SLC16A7: variants seen among roughly 807,000 people sequenced by gnomAD.
SLC16A7 encodes monocarboxylate transporter 2.
A neutral mutation model predicts 34.9 loss-of-function variants in SLC16A7; 33 were observed. That is an observed-to-expected ratio of 0.94 (90% CI 0.72 to 1.26). The LOEUF is 1.26. SLC16A7 is among the 50% of genes most tolerant of loss of function. The pLI is 0.00. For missense variants in SLC16A7, 573 were observed against 578.1 expected (o/e 0.99, Z 0.09); for synonymous variants, 201 against 206.6 (o/e 0.97, Z 0.23).
chr12:59,696,163 C>T (rs1872267283), intron 2 of SLC16A7, among the ~76,000 whole-genome samples: 1 of 151,408 alleles, frequency 6.6e-6, no homozygotes, highest in African/African-American at 2.4e-5. Context: ...TTTTTTTCAA[C>T]AAAACCTAAT....
intron 2 of SLC16A7, among the ~76,000 whole-genome samples, chr12:59,664,197 A>G (rs2137033639): frequency 6.6e-6 from 1 of 152,250 alleles, no homozygotes; most frequent in East Asian, 1.9e-4. Context: ...AGAATGGGGT[A>G]GTGGGTATAA....
In SLC16A7 at chr12:59,676,613, G is replaced by A. The variant is rs115524509; in HGVS notation, c.-31+21363G>A. 1.9e-3 allele frequency among the ~76,000 whole-genome samples: 290 copies of A among 151,764 alleles called. 1 individual carries two copies. The highest frequency in any genetic ancestry group is 6.5e-3 in the African/African-American group (270 of 41,412). ...TCTGGAAAATAGAGAACAATAAATC[G>A]CTTTTCTTTACTCCTCAATTACTCT... On this transcript the variant is annotated intron_variant, in intron 2 of 5. Transcript: ENST00000547379.
intron 3 of SLC16A7, among the ~76,000 whole-genome samples, chr12:59,727,974 G>A (rs1876488184): frequency 1.3e-5 from 2 of 152,264 alleles, no homozygotes. Context: ...TATGAAAGAT[G>A]ATTGGAAATG....
At chr12:59,622,827 A>G (rs1264428903) in intron 1 of SLC16A7, among the ~76,000 whole-genome samples, 1 of 151,856 alleles carries the variant, frequency 6.6e-6, no homozygotes, top group East Asian at 1.9e-4. Flanking sequence ...TTTAAATTTA[A>G]TTTTAATTAA....
chr12:59,667,844 G>A (rs1045663709), intron 2 of SLC16A7, among the ~76,000 whole-genome samples: 3 of 152,164 alleles, frequency 2.0e-5, no homozygotes, highest in African/African-American at 2.4e-5. Flanking sequence ...TCCCGGACGG[G>A]GTCCGTGCCC....
At chr12:59,640,351 G>C (rs139427503) in intron 1 of SLC16A7, among the ~76,000 whole-genome samples, 12 of 152,118 alleles carry the variant, frequency 7.9e-5, no homozygotes, top group African/African-American at 2.4e-4. Flanking sequence ...TAGAACTTTT[G>C]TGTCCTATTT....
At chr12:59,677,615 AC>A (rs1870412076) in intron 2 of SLC16A7, among the ~76,000 whole-genome samples, 2 of 152,098 alleles carry the variant, frequency 1.3e-5, no homozygotes, top group South Asian at 4.1e-4. Flanking sequence ...CCACAAGGCT[AC>A]TGTTTTGTCA....
chr12:59,750,493 A>G (rs900859382), intron 3 of SLC16A7, among the ~76,000 whole-genome samples: 3 of 152,220 alleles, frequency 2.0e-5, no homozygotes, highest in African/African-American at 7.2e-5. Flanking sequence ...AGAAATGCAA[A>G]TCAAAACCAC....
intron 5 of SLC16A7, among the ~76,000 whole-genome samples, chr12:59,778,640 T>G (rs900441224): frequency 6.6e-6 from 1 of 152,122 alleles, no homozygotes; most frequent in African/African-American, 2.4e-5. Flanking sequence ...AGGCTAGATT[T>G]TAAATGGTCT....
chr12:59,788,811 A>T lies in SLC16A7; in HGVS notation c.*9132A>T, dbSNP rs796183951. ...TTCATATGGATACATATTTTGCTTA[A>T]ACTAAATAAAATAACTTAGATTTAT... On this transcript the variant is annotated 3_prime_UTR_variant, in exon 6 of 6. Transcript: ENST00000547379. 2 of 152,222 alleles carry T rather than the reference A, an allele frequency of 1.3e-5. No individual in the cohort carries two copies. Among genetic ancestry groups the T allele is most frequent in the African/African-American group, 4.8e-5 (2 of 41,582 alleles). The allele number at this position is 152,222 out of a possible 1,614,324, so 9.4% of individuals were successfully genotyped here.
intron 2 of SLC16A7, among the ~76,000 whole-genome samples, chr12:59,659,726 G>A (rs943807501): frequency 6.6e-6 from 1 of 152,050 alleles, no homozygotes; most frequent in Non-Finnish European, 1.5e-5. Flanking sequence ...CCTTGTATGG[G>A]AAGAACCTGC....
chr12:59,733,999 G>A (rs2711671), intron 3 of SLC16A7: 7,879 of 351,452 alleles, frequency 0.022, 563 homozygotes, highest in African/African-American at 0.16. Flanking sequence ...TCTGTGGGCA[G>A]CCATGGGTGG....
intron 1 of SLC16A7, among the ~76,000 whole-genome samples, chr12:59,642,464 G>A (rs1880728902): frequency 6.6e-6 from 1 of 151,822 alleles, no homozygotes; most frequent in South Asian, 2.1e-4. Context: ...TGACCTTTTT[G>A]ATACTCAGGA....
At chr12:59,771,910 A>T (rs1018292997) in intron 4 of SLC16A7, among the ~76,000 whole-genome samples, 22 of 152,140 alleles carry the variant, frequency 1.4e-4, no homozygotes, top group African/African-American at 5.3e-4. Context: ...CCTGTTTAAA[A>T]GCTCAGTGAG....
intron 1 of SLC16A7, among the ~76,000 whole-genome samples, chr12:59,604,668 T>C (rs1878850543): frequency 6.6e-6 from 1 of 152,240 alleles, no homozygotes; most frequent in South Asian, 2.1e-4. Context: ...TATCCTCATT[T>C]TACAGATGGG....
chr12:59,729,544 T>A (rs2706314), intron 3 of SLC16A7, among the ~76,000 whole-genome samples: 6,824 of 152,238 alleles, frequency 0.045, 488 homozygotes, highest in African/African-American at 0.16. Flanking sequence ...ATTGCACCTG[T>A]GTAAACTAAA....
At chr12:59,721,281 C>G (rs1354830780) in intron 3 of SLC16A7, among the ~76,000 whole-genome samples, 1 of 151,942 alleles carries the variant, frequency 6.6e-6, no homozygotes, top group East Asian at 1.9e-4. Flanking sequence ...GTAGAACTTC[C>G]ACATACTTCT....
At chr12:59,761,081 T>C in intron 3 of SLC16A7, 1 of 822,938 alleles carries the variant, frequency 1.2e-6, no homozygotes, top group Non-Finnish European at 1.8e-6. Context: ...GACAATATGA[T>C]ATTTAATTGA....
chr12:59,741,939 A>C (rs1487062237), intron 3 of SLC16A7, among the ~76,000 whole-genome samples: 1 of 152,222 alleles, frequency 6.6e-6, no homozygotes, highest in Non-Finnish European at 1.5e-5. Flanking sequence ...GACTGAGGCA[A>C]GTTTCAGAGC....
Sources: allele counts gnomAD v4.1 joint callset (sites outside exome capture counted in the v4.1 genomes callset), GRCh38; gene constraint gnomAD v4.1.1; transcripts MANE v1.5; gene names NCBI Gene and HGNC (gene_info 2026-07-23, HGNC 2026-07-21).